Variants in CRISPLD2 observed in about 807,000 individuals in gnomAD.
CRISPLD2 encodes cysteine rich secretory protein LCCL domain containing 2.
Under a neutral mutation model 71.1 loss-of-function variants are expected in CRISPLD2, and 47 were observed. The observed-to-expected ratio is 0.66, with a 90% CI of 0.52 to 0.84. The LOEUF (loss-of-function observed/expected upper bound fraction) is 0.84, where lower values mean the gene tolerates loss of function less well. Ranked by LOEUF, CRISPLD2 falls within the 40% of genes least tolerant of loss-of-function variation. The pLI is 0.00. For synonymous variants in CRISPLD2, 317 were observed against 250.1 expected, an observed-to-expected ratio of 1.27 and a Z score of -2.52; for missense variants, 830 against 651.1, an observed-to-expected ratio of 1.27 and a Z score of -2.99.
At chr16:84,833,111 T>G in intron 1 of CRISPLD2, among the ~76,000 whole-genome samples, 1 of 152,192 alleles carries the variant, frequency 6.6e-6, no homozygotes, top group Middle Eastern at 3.2e-3. Context: ...CTGGACTCAG[T>G]TGCACTTTCT....
intron 11 of CRISPLD2, 122 bp downstream of exon 11, chr16:84,874,085 T>C: frequency 1.1e-6 from 1 of 882,072 alleles, no homozygotes; most frequent in Non-Finnish European, 1.8e-6. Context: ...ATGGTTCTCA[T>C]CATTGTCAAG....
At chr16:84,838,274 G>A (rs1916674858) in intron 1 of CRISPLD2, 148 bp from the exon 2 acceptor site, 1 of 584,922 alleles carries the variant, frequency 1.7e-6, no homozygotes, top group Non-Finnish European at 3.0e-6. Flanking sequence ...TCCTGTCTGT[G>A]GGACCTTGCT....
In CRISPLD2 at chr16:84,841,003, G is replaced by A. The variant is rs568737918; in HGVS notation, c.240+2268G>A. On this transcript the variant is annotated intron_variant, in intron 2 of 14. Transcript: ENST00000262424. ...TAAAGAGGTGGACAAAGCAGATGAG[G>A]TCCCCGTCCACACGGCACCTCCGGA... Among the ~76,000 whole-genome samples, 8 of 152,314 alleles carry A rather than the reference G, an allele frequency of 5.3e-5. No homozygotes were observed. The South Asian group carries it at 1.2e-3, about 24-fold the overall frequency.
intron 14 of CRISPLD2, among the ~76,000 whole-genome samples, chr16:84,892,232 A>C (rs961629956): frequency 6.6e-6 from 1 of 152,100 alleles, no homozygotes; most frequent in African/African-American, 2.4e-5. Flanking sequence ...CTCCGGCCCC[A>C]CCCAGCTCTG....
chr16:84,903,424 T>G (rs2071772968), intron 14 of CRISPLD2, among the ~76,000 whole-genome samples: 1 of 151,966 alleles, frequency 6.6e-6, no homozygotes, highest in Non-Finnish European at 1.5e-5. Context: ...ACACCCCATC[T>G]CTACAAAAAA....
At chr16:84,872,641 G>T in intron 9 of CRISPLD2, 133 bp downstream of exon 9, 1 of 807,822 alleles carries the variant, frequency 1.2e-6, no homozygotes, top group Non-Finnish European at 2.0e-6. Flanking sequence ...CTAGAACTGG[G>T]GCGGGTGTAT....
chr16:84,905,691 C>G (rs1048104897), intron 14 of CRISPLD2, among the ~76,000 whole-genome samples: 1 of 138,104 alleles, frequency 7.2e-6, no homozygotes, highest in Non-Finnish European at 1.5e-5. Context: ...AGCCACCGTG[C>G]CTGACCAATA....
At chr16:84,832,440 C>T (rs1360157548) in intron 1 of CRISPLD2, among the ~76,000 whole-genome samples, 1 of 152,254 alleles carries the variant, frequency 6.6e-6, no homozygotes, top group African/African-American at 2.4e-5. Flanking sequence ...AGACGTAGTC[C>T]TTATATGGCT....
At chr16:84,880,730 G>T in intron 13 of CRISPLD2, 146 bp downstream of exon 13, 1 of 571,704 alleles carries the variant, frequency 1.7e-6, no homozygotes. Flanking sequence ...TTTCGAGATG[G>T]AGTCTTACTC....
rs185608669 is a variant in CRISPLD2 at position 84,865,430 on chromosome 16, A to C, written c.710-1467A>C. 6.4e-3 allele frequency among the ~76,000 whole-genome samples: 979 copies of C among 152,356 alleles called. 7 individuals are homozygous for C. The highest frequency in any genetic ancestry group is 0.022 in the African/African-American group (925 of 41,582). On this transcript the variant is annotated intron_variant, in intron 6 of 14. Transcript: ENST00000262424. Reference sequence around the variant, plus strand: ...CTCGGCTTCCCAAAGTGCTGGGATTACAGGTATGAGCCACCACACCTGGCC... The same window carrying C: ...CTCGGCTTCCCAAAGTGCTGGGATTCCAGGTATGAGCCACCACACCTGGCC...
At chr16:84,868,936 C>G in intron 8 of CRISPLD2, 25 bp downstream of exon 8, 2 of 1,517,884 alleles carry the variant, frequency 1.3e-6, no homozygotes, top group Non-Finnish European at 1.8e-6. Context: ...GGCTGTCCTG[C>G]CACTGTAGCC....
In CRISPLD2 at chr16:84,869,072, G is replaced by C. The variant is rs9940634; in HGVS notation, c.914+161G>C. Among the ~76,000 whole-genome samples the C allele has an allele frequency of 4.8e-3, 725 of 152,338 alleles. 5 individuals are homozygous for C. Among genetic ancestry groups the C allele is most frequent in the African/African-American group, 0.016 (658 of 41,574 alleles). ...AGGGGTTAGGGCTGGGCAGTGTCTG[G>C]GCATGTGTTCGCCTCGGCCGTTGGC... is the stretch of plus-strand genomic sequence containing the variant. On this transcript the variant is annotated intron_variant, in intron 8 of 14. Coordinates refer to ENST00000262424, the MANE Select transcript of CRISPLD2 (RefSeq NM_031476.4).
chr16:84,889,280 G>C lies in CRISPLD2; in HGVS notation c.1356G>C (p.Glu452Asp). 1.1e-5 allele frequency: 18 copies of C among 1,614,130 alleles called. No individual in the cohort carries two copies. Among genetic ancestry groups the C allele is most frequent in the Non-Finnish European group, 1.5e-5 (18 of 1,180,016 alleles). ...TGCACGCGGGAGTCATCAGCAACGA[G>C]AGTGGGGGTGACGTGGACGTGATGC... Reference protein sequence around the residue: ...TAVHAGVISNESGGDVDVMPV... With the variant: ...TAVHAGVISNDSGGDVDVMPV... The change falls in exon 14 of 15, where the codon GAG (glutamate) becomes GAC (aspartate). Residue 452 changes from glutamate to aspartate, a missense_variant. By Grantham distance (45) the Glu-to-Asp change is conservative. Transcript: ENST00000262424.
intron 13 of CRISPLD2, among the ~76,000 whole-genome samples, chr16:84,882,579 AT>A (rs2071578397): frequency 6.6e-6 from 1 of 151,952 alleles, no homozygotes; most frequent in African/African-American, 2.4e-5. Flanking sequence ...TAATTTTTGT[AT>A]TTTTAGTAGA....
At chr16:84,877,067 T>C (rs1240882179) in intron 11 of CRISPLD2, among the ~76,000 whole-genome samples, 1 of 152,208 alleles carries the variant, frequency 6.6e-6, no homozygotes, top group African/African-American at 2.4e-5. Flanking sequence ...CTCTGAGCTC[T>C]CTGAGCTTCC....
intron 14 of CRISPLD2, among the ~76,000 whole-genome samples, chr16:84,896,040 CT>C (rs540789413): frequency 4.1e-3 from 578 of 140,028 alleles, no homozygotes; most frequent in South Asian, 7.1e-3. Flanking sequence ...GATTGGAATC[CT>C]TTTTTTTTTT....
intron 14 of CRISPLD2, among the ~76,000 whole-genome samples, chr16:84,902,736 T>C (rs2143390307): frequency 6.6e-6 from 1 of 151,132 alleles, no homozygotes; most frequent in South Asian, 2.1e-4. Flanking sequence ...TGGTTGTTGC[T>C]GTGTATCTCC....
At chr16:84,899,191 G>A (rs1162520287) in intron 14 of CRISPLD2, among the ~76,000 whole-genome samples, 1 of 152,130 alleles carries the variant, frequency 6.6e-6, no homozygotes, top group African/African-American at 2.4e-5. Flanking sequence ...TGCCCCGCCT[G>A]AGGGATTTTC....
intron 3 of CRISPLD2, among the ~76,000 whole-genome samples, chr16:84,847,475 C>T (rs1251735984): frequency 6.6e-6 from 1 of 152,108 alleles, no homozygotes; most frequent in Non-Finnish European, 1.5e-5. Context: ...CATAGTGAAA[C>T]CCCGTCTCTA....
Sources: gnomAD v4.1 joint callset for allele counts (sites outside exome capture counted in the v4.1 genomes callset) on GRCh38, gnomAD v4.1.1 for gene constraint, MANE v1.5 for transcripts, NCBI Gene and HGNC (gene_info 2026-07-23, HGNC 2026-07-21) for gene names.